The following TRAPPC9 variants were observed in gnomAD, a reference collection of about 807,000 sequenced individuals.
TRAPPC9 encodes the protein IKK2 binding protein.
TRAPPC9 carries 83 observed loss-of-function variants against 124.0 expected under a neutral mutation model. The observed-to-expected ratio is 0.67, with a 90% CI of 0.56 to 0.80. TRAPPC9 has a LOEUF of 0.80. TRAPPC9 is among the 30% of genes least tolerant of loss of function. The pLI is 0.00. For missense variants in TRAPPC9, 1,302 were observed against 1,508.3 expected, an observed-to-expected ratio of 0.86 and a Z score of 2.27; for synonymous variants, 638 against 617.5, an observed-to-expected ratio of 1.03 and a Z score of -0.49.
chr8:139,949,011 T>A (rs188425246), intron 19 of TRAPPC9, among the ~76,000 whole-genome samples: 17 of 152,112 alleles, frequency 1.1e-4, no homozygotes, highest in African/African-American at 3.9e-4. Context: ...AGGCAGAGGT[T>A]GCCGTGAGCC....
intron 21 of TRAPPC9, among the ~76,000 whole-genome samples, chr8:139,835,983 G>A (rs918363628): frequency 6.6e-6 from 1 of 151,604 alleles, no homozygotes; most frequent in Non-Finnish European, 1.5e-5. Flanking sequence ...GGAAAGCTGG[G>A]TGTAGCACAA....
chr8:140,391,744 G>A (rs2068931031), intron 7 of TRAPPC9, among the ~76,000 whole-genome samples: 1 of 149,374 alleles, frequency 6.7e-6, no homozygotes, highest in Non-Finnish European at 1.5e-5. Flanking sequence ...TTAAGAAAGT[G>A]AGCAGGGCAT....
intron 21 of TRAPPC9, among the ~76,000 whole-genome samples, chr8:139,750,246 G>A (rs368989507): frequency 5.9e-5 from 9 of 152,204 alleles, no homozygotes; most frequent in Admixed American, 5.9e-4. Flanking sequence ...AATTTAATCC[G>A]GGGTCCCAGA....
rs534262987 is a variant in TRAPPC9 at position 139,982,120 on chromosome 8, T to A, written c.2810+6606A>T. 4.0e-5 allele frequency among the ~76,000 whole-genome samples: 6 copies of A among 151,320 alleles called. No individual in the cohort carries two copies. In the South Asian group the frequency reaches 8.3e-4, roughly 21 times the overall value. ...GGCAAAAAAACCCACAATTGTCGTA[T>A]CTTAATTTTCCAGTAAATTTGCTGC... On this transcript the variant is annotated intron_variant, in intron 19 of 22. Coordinates refer to ENST00000438773, the MANE Select transcript of TRAPPC9 (RefSeq NM_001160372.4).
intron 11 of TRAPPC9, among the ~76,000 whole-genome samples, chr8:140,297,907 C>T (rs1332112657): frequency 6.6e-6 from 1 of 152,170 alleles, no homozygotes; most frequent in African/African-American, 2.4e-5. Context: ...TAGGTCTGTC[C>T]CACACCTACT....
intron 21 of TRAPPC9, among the ~76,000 whole-genome samples, chr8:139,815,682 G>A (rs1468739452): frequency 1.4e-4 from 21 of 152,170 alleles, no homozygotes; most frequent in Non-Finnish European, 2.5e-4. Context: ...GAGCCACAGC[G>A]CCCGGCAAGC....
chr8:139,987,881 C>T (rs1178576606), intron 19 of TRAPPC9, among the ~76,000 whole-genome samples: 1 of 152,142 alleles, frequency 6.6e-6, no homozygotes, highest in East Asian at 1.9e-4. Flanking sequence ...GCTCTCACTT[C>T]CGCATCAGCT....
At chr8:139,897,704 C>T (rs1268848811) in intron 20 of TRAPPC9, among the ~76,000 whole-genome samples, 3 of 152,246 alleles carry the variant, frequency 2.0e-5, no homozygotes, top group Admixed American at 1.3e-4. Flanking sequence ...TAGATTCAAA[C>T]TCACCCCAGT....
At chr8:140,068,569 A>C (rs1447165531) in intron 17 of TRAPPC9, among the ~76,000 whole-genome samples, 1 of 152,232 alleles carries the variant, frequency 6.6e-6, no homozygotes, top group Non-Finnish European at 1.5e-5. Context: ...CTTCCAAATG[A>C]ATGATTCAAA....
intron 17 of TRAPPC9, among the ~76,000 whole-genome samples, chr8:140,213,023 C>G (rs770492971): frequency 1.7e-4 from 26 of 150,696 alleles, no homozygotes; most frequent in Non-Finnish European, 3.4e-4. Context: ...GAGCCAAGAT[C>G]GTGCCACTGC....
intron 20 of TRAPPC9, among the ~76,000 whole-genome samples, 189 bp downstream of exon 20, chr8:139,909,958 C>T (rs918403596): frequency 2.0e-5 from 3 of 152,196 alleles, no homozygotes; most frequent in African/African-American, 4.8e-5. Flanking sequence ...AATACTGCTC[C>T]GAGTGGGGCC....
intron 17 of TRAPPC9, among the ~76,000 whole-genome samples, chr8:140,131,502 C>G (rs2061208080): frequency 6.6e-6 from 1 of 152,214 alleles, no homozygotes; most frequent in Non-Finnish European, 1.5e-5. Context: ...CCAACTACAT[C>G]CAGAGAATGC....
rs777879912 is a variant in TRAPPC9 at position 140,399,489 on chromosome 8, C to T, written c.1009-1744G>A. 3.2e-4 allele frequency among the ~76,000 whole-genome samples: 48 copies of T among 152,212 alleles called. 1 individual carries two copies. The highest frequency in any genetic ancestry group is 9.8e-4 in the Admixed American group (15 of 15,288). On this transcript the variant is annotated intron_variant, in intron 6 of 22. Transcript: ENST00000438773. ...CTCTTGCATCAGCATGACCTGGATA[C>T]GAGACATGGAATCAAAGGAGATCAT...
chr8:140,127,623 A>G (rs983756914), intron 17 of TRAPPC9, among the ~76,000 whole-genome samples: 1 of 152,240 alleles, frequency 6.6e-6, no homozygotes, highest in Non-Finnish European at 1.5e-5. Context: ...AGGGTTTTTT[A>G]TAAACCACAG....
chr8:139,924,094 A>G (rs1587231474), intron 19 of TRAPPC9, among the ~76,000 whole-genome samples: 1 of 152,166 alleles, frequency 6.6e-6, no homozygotes, highest in African/African-American at 2.4e-5. Context: ...GCAGGGTGAC[A>G]GAGAAGAACT....
intron 21 of TRAPPC9, among the ~76,000 whole-genome samples, chr8:139,811,030 T>C (rs764356591): frequency 6.6e-6 from 1 of 151,892 alleles, no homozygotes; most frequent in African/African-American, 2.4e-5. Flanking sequence ...GAGACAAAGA[T>C]AAATGAAGGG....
intron 17 of TRAPPC9, among the ~76,000 whole-genome samples, chr8:140,187,125 A>C (rs1480066565): frequency 6.6e-6 from 1 of 152,182 alleles, no homozygotes; most frequent in African/African-American, 2.4e-5. Context: ...CGAACTACAT[A>C]GGTTTGACCT....
chr8:140,109,715 G>A (rs977735296), intron 17 of TRAPPC9, among the ~76,000 whole-genome samples: 14 of 152,144 alleles, frequency 9.2e-5, no homozygotes, highest in African/African-American at 3.1e-4. Flanking sequence ...GGAATATGGG[G>A]CAAGTTATTG....
rs1202035670 is a variant in TRAPPC9, at chr8:140,438,903, G to C, written c.730+149C>G. The C allele has an allele frequency of 1.3e-5, 12 of 915,898 alleles. No homozygotes were observed. The Admixed American group carries it at 2.3e-4, about 17-fold the overall frequency. The allele number at this position is 915,898 out of a possible 1,614,324, so 56.7% of individuals were successfully genotyped here. A position where few individuals can be genotyped will look rare whatever the true frequency, so the allele number is the denominator to read the frequency against. On this transcript the variant is annotated intron_variant, in intron 3 of 22. Transcript: ENST00000438773. ...GACGTGGTTTCACCATGTTGGCCAG[G>C]ATGGTCTCAATCTCTTGACCTCATA...
Sources: allele counts gnomAD v4.1 joint callset (sites outside exome capture counted in the v4.1 genomes callset), GRCh38; gene constraint gnomAD v4.1.1; transcripts MANE v1.5; gene names NCBI Gene and HGNC (gene_info 2026-07-23, HGNC 2026-07-21).